The following ACOX3 variants were observed in gnomAD, a reference collection of about 807,000 sequenced individuals.
ACOX3 encodes peroxisomal acyl-coenzyme A oxidase 3.
ACOX3 carries 73 observed loss-of-function variants against 81.5 expected under a neutral mutation model. The observed-to-expected ratio is 0.90, with a 90% CI of 0.74 to 1.09. ACOX3 has a LOEUF of 1.09. Ranked by LOEUF, ACOX3 falls within the 50% of genes least tolerant of loss-of-function variation. The probability of loss-of-function intolerance (pLI) is 0.00; values close to 1 mark genes in which losing one functional copy is unlikely to be tolerated. For synonymous variants in ACOX3, 387 were observed against 375.1 expected (o/e 1.03, Z -0.37); for missense variants, 947 against 928.0 (o/e 1.02, Z -0.27).
intron 5 of ACOX3, among the ~76,000 whole-genome samples, chr4:8,411,947 G>A (rs550487544): frequency 2.0e-5 from 3 of 152,250 alleles, no homozygotes; most frequent in Non-Finnish European, 2.9e-5. Context: ...CCAACTCTAC[G>A]GATCTGATGC....
intron 1 of ACOX3, among the ~76,000 whole-genome samples, chr4:8,418,735 T>C (rs2688227): frequency 0.72 from 108,438 of 151,626 alleles, 39,610 homozygotes; most frequent in African/African-American, 0.87. Context: ...TGGCGCATGC[T>C]TGTAATCCCA....
rs1380566601 is a variant in ACOX3 at position 8,382,916 on chromosome 4, C to T, written c.1538-1309G>A. On this transcript the variant is annotated intron_variant, in intron 13 of 17. Coordinates refer to ENST00000356406, the MANE Select transcript of ACOX3 (RefSeq NM_003501.3). The surrounding 1 kb of genome is among the most constrained non-coding windows in gnomAD (Gnocchi z 4.1). ...CTGAGGCAGGAGAATGGCGTGAACC[C>T]GGGAGGCGGAGTTGCAGTGAGCCGA... 4.9e-5 allele frequency among the ~76,000 whole-genome samples: 7 copies of T among 143,256 alleles called. No individual in the cohort carries two copies. Among genetic ancestry groups the T allele is most frequent in the South Asian group, 2.2e-4 (1 of 4,448 alleles). 94.0% of individuals were successfully genotyped at this position (143,256 alleles called of 152,430 possible). A position where few individuals can be genotyped will look rare whatever the true frequency, so the allele number is the denominator to read the frequency against.
At chr4:8,420,096 TC>T (rs1298709777) in intron 1 of ACOX3, among the ~76,000 whole-genome samples, 1 of 152,188 alleles carries the variant, frequency 6.6e-6, no homozygotes. Flanking sequence ...AGTCTCCTTT[TC>T]CAGGTGAGGA....
At chr4:8,409,173 CAAAAG>C (rs1284189852) in intron 6 of ACOX3, among the ~76,000 whole-genome samples, 1 of 152,122 alleles carries the variant, frequency 6.6e-6, no homozygotes, top group African/African-American at 2.4e-5. Flanking sequence ...ACATGAGCAA[CAAAAG>C]AAAAAAACGT....
At chr4:8,427,199 A>C (rs1723575728) in intron 1 of ACOX3, among the ~76,000 whole-genome samples, 1 of 152,216 alleles carries the variant, frequency 6.6e-6, no homozygotes, top group Non-Finnish European at 1.5e-5. Context: ...TGGTAAAGAA[A>C]TAATCAGATC....
At position 8,382,472 on chromosome 4, in the gene ACOX3, A is replaced by T. The variant is rs1360688094; in HGVS notation, c.1538-865T>A. 6.6e-6 allele frequency among the ~76,000 whole-genome samples: 1 copy of T among 152,098 alleles called. No individual in the cohort carries two copies. The highest frequency in any genetic ancestry group is 2.4e-5 in the African/African-American group (1 of 41,428). On this transcript the variant is annotated intron_variant, in intron 13 of 17. Coordinates refer to ENST00000356406, the MANE Select transcript of ACOX3 (RefSeq NM_003501.3). The surrounding 1 kb of genome is among the most constrained non-coding windows in gnomAD (Gnocchi z 4.1). ...TGAGGGAGGGGTGCAGACCACCCAC[A>T]TGTGGAGGCCACGCTCACACCCACC...
chr4:8,390,523 C>T (rs552002659), intron 11 of ACOX3, among the ~76,000 whole-genome samples: 7 of 152,230 alleles, frequency 4.6e-5, no homozygotes, highest in Non-Finnish European at 8.8e-5. Flanking sequence ...ACCCTTCTTC[C>T]GTCCATAACT....
intron 6 of ACOX3, 135 bp downstream of exon 6, chr4:8,410,077 G>A (rs929621347): frequency 2.5e-6 from 3 of 1,195,214 alleles, no homozygotes; most frequent in Middle Eastern, 2.9e-4. Context: ...CTGGGGTCCT[G>A]GGCAGTGTCC....
rs1393748459 is a variant in ACOX3 at position 8,405,635 on chromosome 4, A to T, written c.776+320T>A. ...GGGGAGGCTCAGGATGCTGAGGAGG[A>T]CCTCACACAGAGGAGGCAGCCCCCC... On this transcript the variant is annotated intron_variant, in intron 7 of 17. Coordinates refer to ENST00000356406, the MANE Select transcript of ACOX3 (RefSeq NM_003501.3). The surrounding 1 kb of genome is among the most constrained non-coding windows in gnomAD (Gnocchi z 7.1). Among the ~76,000 whole-genome samples, 5 of 152,128 alleles carry T rather than the reference A, an allele frequency of 3.3e-5. No individual in the cohort carries two copies. The highest frequency in any genetic ancestry group is 1.2e-4 in the African/African-American group (5 of 41,408).
intron 1 of ACOX3, among the ~76,000 whole-genome samples, chr4:8,426,824 C>T (rs1156443017): frequency 6.6e-6 from 1 of 152,150 alleles, no homozygotes; most frequent in Non-Finnish European, 1.5e-5. Context: ...CAGATGCAGT[C>T]CATGACTAAG....
downstream of ACOX3, among the ~76,000 whole-genome samples, chr4:8,365,172 G>A (rs943816555): frequency 1.1e-4 from 17 of 152,228 alleles, no homozygotes; most frequent in Non-Finnish European, 2.4e-4. Flanking sequence ...CCCCGGGCCC[G>A]TGAGGCCTGT....
chr4:8,373,316 C>T (rs532145838), intron 16 of ACOX3, among the ~76,000 whole-genome samples: 33 of 151,954 alleles, frequency 2.2e-4, no homozygotes, highest in African/African-American at 6.3e-4. Context: ...GTTGCAAAGG[C>T]GGTGTGTGTC....
At chr4:8,396,824 A>T in intron 9 of ACOX3, 113 bp downstream of exon 9, 2 of 1,250,178 alleles carry the variant, frequency 1.6e-6, no homozygotes, top group Non-Finnish European at 2.2e-6. Flanking sequence ...TCATCCTGTT[A>T]ATTGCCTTAA....
Position 8,392,341 on chromosome 4 carries a change from T to G in ACOX3, c.1292A>C (p.Tyr431Ser), listed in dbSNP as rs760192603. 4 of 1,582,636 alleles carry G rather than the reference T, an allele frequency of 2.5e-6. No homozygotes were observed. Among genetic ancestry groups the G allele is most frequent in the Middle Eastern group, 1.7e-4 (1 of 5,962 alleles). Residue 431 changes from tyrosine to serine, a missense_variant, in exon 11 of 18, where the codon TAT (tyrosine) becomes TCT (serine). Tyr to Ser is a moderately radical substitution (Grantham distance 144, BLOSUM62 -2). Transcript: ENST00000356406. ...ECREACGGHG[Y>S]LAMNRLGVLR... Reference sequence around the variant, plus strand: ...GCTTCTCCAAAACCTACTGGCCAGATAGCCGTGTCCTCCACACGCCTCCCG... The same window carrying G: ...GCTTCTCCAAAACCTACTGGCCAGAGAGCCGTGTCCTCCACACGCCTCCCG...
chr4:8,412,334 G>T (rs1161001103), intron 5 of ACOX3, among the ~76,000 whole-genome samples: 2 of 152,230 alleles, frequency 1.3e-5, no homozygotes, highest in Admixed American at 6.5e-5. Context: ...GTCCGCTTGA[G>T]TTCATTCCTG....
At chr4:8,357,059 G>A in the ACOX3 span, 1 of 444,294 alleles carries the variant, frequency 2.3e-6, no homozygotes, top group Middle Eastern at 3.4e-4. Flanking sequence ...AGAAAGTGTG[G>A]AGAACGGTGC....
Position 8,382,985 on chromosome 4 carries a change from C to G in ACOX3, c.1538-1378G>C, listed in dbSNP as rs1478662144. Among the ~76,000 whole-genome samples, 1 of 116,228 alleles carries G rather than the reference C, an allele frequency of 8.6e-6. No homozygotes were observed. Among genetic ancestry groups the G allele is most frequent in the African/African-American group, 3.1e-5 (1 of 32,734 alleles). The allele number at this position is 116,228 out of a possible 152,430, so 76.3% of individuals were successfully genotyped here. A position where few individuals can be genotyped will look rare whatever the true frequency, so the allele number is the denominator to read the frequency against. On this transcript the variant is annotated intron_variant, in intron 13 of 17. Transcript: ENST00000356406. This position sits in a 1 kb window ranked among gnomAD's most constrained non-coding sequence, Gnocchi z 4.1. ...CAGCCTGGGCGACAGAGCGAGACTC[C>G]GTCTCAAAAAAAAAAAAAAAAGAAA...
chr4:8,420,327 A>G (rs2109002219), intron 1 of ACOX3, among the ~76,000 whole-genome samples: 1 of 152,284 alleles, frequency 6.6e-6, no homozygotes, highest in South Asian at 2.1e-4. Flanking sequence ...TGACCTTCCT[A>G]AGATCTGTGC....
At position 8,414,903 on chromosome 4, in the gene ACOX3, G is replaced by A. The variant is rs1225896105; in HGVS notation, c.404C>T (p.Ser135Phe). 6.2e-7 allele frequency: 1 copy of A among 1,614,194 alleles called. No homozygotes were observed. Among genetic ancestry groups the A allele is most frequent in the Non-Finnish European group, 8.5e-7 (1 of 1,180,038 alleles). Residue 135 changes from serine to phenylalanine, a missense_variant, in exon 4 of 18, where the codon TCT becomes TTT. Physicochemically the swap from Ser to Phe is radical, Grantham distance 155. Transcript: ENST00000356406. This position sits in a 1 kb window ranked among gnomAD's most constrained non-coding sequence, Gnocchi z 6.1. ...SLVFGSAVYS[S>F]GSERHLTYIQ... ...ATATGTGAGATGTCTTTCAGAACCA[G>A]AACTGTAAACTGCTGATCCAAAAAC... is the stretch of plus-strand genomic sequence containing the variant.
Sources: allele counts gnomAD v4.1 joint callset (sites outside exome capture counted in the v4.1 genomes callset), GRCh38; gene constraint gnomAD v4.1.1; non-coding constraint Gnocchi (gnomAD v3.1); transcripts MANE v1.5; gene names NCBI Gene and HGNC (gene_info 2026-07-23, HGNC 2026-07-21).